FLVCR1: variants seen among roughly 807,000 people sequenced by gnomAD.
FLVCR1 encodes FLVCR choline and heme transporter 1.
Under a neutral mutation model 53.6 loss-of-function variants are expected in FLVCR1, and 34 were observed. The ratio of observed to expected loss-of-function variants is 0.63; its 90% CI spans 0.48 to 0.84. The LOEUF is 0.84. FLVCR1 is among the 40% of genes least tolerant of loss of function. The pLI, the probability that FLVCR1 is intolerant of heterozygous loss-of-function variation, is 0.00. For missense variants in FLVCR1, 677 were observed against 696.7 expected (o/e 0.97, Z 0.32); for synonymous variants, 300 against 286.3 (o/e 1.05, Z -0.48).
At chr1:212,868,440 T>A (rs1441334354) in intron 2 of FLVCR1, among the ~76,000 whole-genome samples, 2 of 151,136 alleles carry the variant, frequency 1.3e-5, no homozygotes, top group Non-Finnish European at 2.9e-5. Context: ...TGAGACAGAG[T>A]TTAGCTCTTG....
intron 5 of FLVCR1, among the ~76,000 whole-genome samples, chr1:212,885,842 C>T (rs974024243): frequency 6.6e-5 from 10 of 151,924 alleles, no homozygotes; most frequent in African/African-American, 1.9e-4. Context: ...TGAGCCACCG[C>T]GCCCAGCAAC....
chr1:212,893,465 C>G (rs1665251769), intron 8 of FLVCR1, among the ~76,000 whole-genome samples: 1 of 152,188 alleles, frequency 6.6e-6, no homozygotes, highest in Non-Finnish European at 1.5e-5. Context: ...ATTATATAAA[C>G]TTAGCTGATG....
intron 4 of FLVCR1, 45 bp from the exon 5 acceptor site, chr1:212,885,244 ATTAG>A: frequency 1.6e-6 from 2 of 1,231,416 alleles, no homozygotes; most frequent in Non-Finnish European, 2.4e-6. Context: ...AAGAGTCTGA[ATTAG>A]TTAATCCATT....
At chr1:212,894,112 T>G (rs1200683816) in intron 8 of FLVCR1, among the ~76,000 whole-genome samples, 1 of 150,480 alleles carries the variant, frequency 6.6e-6, no homozygotes, top group East Asian at 2.0e-4. Context: ...GTAGATTGAT[T>G]TTTTTTTTTA....
chr1:212,874,272 G>T (rs544346712), intron 3 of FLVCR1, among the ~76,000 whole-genome samples: 2 of 152,312 alleles, frequency 1.3e-5, no homozygotes, highest in Admixed American at 6.5e-5. Context: ...GCCTCCGAAA[G>T]TGCGGGATTA....
At chr1:212,885,502 G>T in intron 5 of FLVCR1, 106 bp downstream of exon 5, 7 of 703,282 alleles carry the variant, frequency 1.0e-5, no homozygotes, top group East Asian at 6.9e-5. Context: ...ATTACTTAAA[G>T]ATACGGATTC....
intron 2 of FLVCR1, among the ~76,000 whole-genome samples, chr1:212,870,811 G>A (rs181731830): frequency 1.3e-5 from 2 of 151,888 alleles, no homozygotes; most frequent in Non-Finnish European, 2.9e-5. Flanking sequence ...CCGTTGCCCC[G>A]GCTGGAGTGC....
rs542626576 is a variant in FLVCR1, at chr1:212,871,952, T to C, written c.884-726T>C. Among the ~76,000 whole-genome samples the C allele has an allele frequency of 1.3e-3, 193 of 152,332 alleles. 1 individual carries two copies. Among genetic ancestry groups the C allele is most frequent in the African/African-American group, 4.3e-3 (179 of 41,578 alleles). The stretch of plus-strand genomic sequence containing the variant: ...CAAGTGAGTTAGCAAGACCTAGCTC[T>C]GCTTCCATGAATCTACCTGGAGTTT... On this transcript the variant is annotated intron_variant, in intron 2 of 9. Coordinates refer to ENST00000366971, the MANE Select transcript of FLVCR1 (RefSeq NM_014053.4).
chr1:212,881,290 A>C (rs1664918923), intron 3 of FLVCR1, among the ~76,000 whole-genome samples: 1 of 142,340 alleles, frequency 7.0e-6, no homozygotes, highest in Non-Finnish European at 1.5e-5. Flanking sequence ...ATTCCCAAAG[A>C]ATTTCTTTGT....
intron 5 of FLVCR1, among the ~76,000 whole-genome samples, chr1:212,886,537 T>C (rs961591991): frequency 5.9e-5 from 9 of 152,138 alleles, no homozygotes; most frequent in African/African-American, 2.2e-4. Flanking sequence ...CAATGTCTTA[T>C]GCCTGTAATC....
In FLVCR1 at chr1:212,863,712, A is replaced by G. The variant is rs1035646599; in HGVS notation, c.739-13A>G. 3.1e-6 allele frequency: 5 copies of G among 1,613,270 alleles called. No individual in the cohort carries two copies. The African/African-American group carries it at 4.0e-5, about 13-fold the overall frequency. ...AATGATAATAGCTGTTAACAGGACT[A>G]TGTGTTTTTCAGCTTGGAACTGCAG... is the stretch of plus-strand genomic sequence containing the variant. On this transcript the variant is annotated splice_polypyrimidine_tract_variant and intron_variant, in intron 1 of 9. Coordinates refer to ENST00000366971, the MANE Select transcript of FLVCR1 (RefSeq NM_014053.4).
intron 3 of FLVCR1, among the ~76,000 whole-genome samples, chr1:212,876,190 C>G (rs1034318732): frequency 2.6e-5 from 4 of 152,010 alleles, no homozygotes; most frequent in African/African-American, 9.7e-5. Context: ...CCCCCAAACC[C>G]CAAAGGTCCC....
chr1:212,885,555 T>C (rs1459696889), intron 5 of FLVCR1, 159 bp downstream of exon 5: 3 of 454,684 alleles, frequency 6.6e-6, no homozygotes, highest in Non-Finnish European at 1.2e-5. Flanking sequence ...TGTTTCTTTT[T>C]TTTTTTTTTT....
In FLVCR1 at chr1:212,896,300, A is replaced by C. The variant is rs946535904; in HGVS notation, c.*1010A>C. 2 of 152,184 alleles carry C rather than the reference A, an allele frequency of 1.3e-5. No individual in the cohort carries two copies. The highest frequency in any genetic ancestry group is 4.8e-5 in the African/African-American group (2 of 41,444). The allele number at this position is 152,184 out of a possible 1,614,324, so 9.4% of individuals were successfully genotyped here. A position where few individuals can be genotyped will look rare whatever the true frequency, so the allele number is the denominator to read the frequency against. ...TAGCCTACATGTCCCCATTTAGTGG[A>C]GACCTCTTGAATGCTATTTGAATTC... On this transcript the variant is annotated 3_prime_UTR_variant, in exon 10 of 10. Coordinates refer to ENST00000366971, the MANE Select transcript of FLVCR1 (RefSeq NM_014053.4).
At chr1:212,886,327 GC>G (rs1665064222) in intron 5 of FLVCR1, among the ~76,000 whole-genome samples, 2 of 152,130 alleles carry the variant, frequency 1.3e-5, no homozygotes, top group Non-Finnish European at 2.9e-5. Context: ...ACAGGCATGA[GC>G]CACTGCACCT....
chr1:212,887,396 C>T (rs746873120), intron 5 of FLVCR1, among the ~76,000 whole-genome samples: 29 of 152,164 alleles, frequency 1.9e-4, no homozygotes, highest in Non-Finnish European at 4.1e-4. Flanking sequence ...TTATGGCTGG[C>T]ATTATGTGAT....
At chr1:212,882,898 C>CA (rs1177359294) in intron 3 of FLVCR1, among the ~76,000 whole-genome samples, 17 of 147,196 alleles carry the variant, frequency 1.2e-4, no homozygotes, top group African/African-American at 3.0e-4. Flanking sequence ...GGCTCCATCT[C>CA]AAAAAAAAAA....
chr1:212,888,676 T>TTG (rs1572027321), intron 7 of FLVCR1, 82 bp downstream of exon 7: 1 of 906,412 alleles, frequency 1.1e-6, no homozygotes, highest in East Asian at 2.8e-5. Context: ...ATGGTTTTAT[T>TTG]TGTTGTTGTT....
intron 2 of FLVCR1, chr1:212,869,967 GTTT>G (rs967345525): frequency 3.9e-5 from 6 of 152,350 alleles, no homozygotes; most frequent in African/African-American, 1.4e-4. Flanking sequence ...TGTAAGCATA[GTTT>G]TTATTTTCTG....
Sources: gnomAD v4.1 joint callset for allele counts (sites outside exome capture counted in the v4.1 genomes callset) on GRCh38, gnomAD v4.1.1 for gene constraint, MANE v1.5 for transcripts, NCBI Gene and HGNC (gene_info 2026-07-23, HGNC 2026-07-21) for gene names.